CSMD2: variants seen among roughly 807,000 people sequenced by gnomAD.
CSMD2 encodes CUB and Sushi multiple domains 2.
CSMD2 carries 130 observed loss-of-function variants against 398.5 expected under a neutral mutation model. The observed-to-expected ratio is 0.33, with a 90% confidence interval of 0.28 to 0.38. The LOEUF is 0.38. Among genes scored for constraint, CSMD2 ranks in the 10% least tolerant of loss-of-function variants. CSMD2 has a pLI of 1.00. For synonymous variants in CSMD2, 1,828 were observed against 1,908.5 expected, an observed-to-expected ratio of 0.96 and a Z score of 1.10; for missense variants, 3,829 against 4,764.9, an observed-to-expected ratio of 0.80 and a Z score of 5.78.
chr1:33,768,727 C>T (rs1431879900), intron 13 of CSMD2, among the ~76,000 whole-genome samples: 1 of 152,104 alleles, frequency 6.6e-6, no homozygotes, highest in Non-Finnish European at 1.5e-5. Context: ...TCCAAAAGCC[C>T]AGCTCAAGTC....
intron 1 of CSMD2, among the ~76,000 whole-genome samples, chr1:34,146,788 G>C (rs1639804036): frequency 6.6e-6 from 1 of 152,128 alleles, no homozygotes; most frequent in Admixed American, 6.5e-5. Context: ...GTTTGGGAGA[G>C]TAAAGTTTCT....
At chr1:33,895,114 T>C (rs540404009) in intron 5 of CSMD2, among the ~76,000 whole-genome samples, 139 of 152,332 alleles carry the variant, frequency 9.1e-4, no homozygotes, top group African/African-American at 2.8e-3. Flanking sequence ...ACCTACATGT[T>C]GTATGTTAGA....
At chr1:34,049,294 G>C (rs529963898) in intron 2 of CSMD2, among the ~76,000 whole-genome samples, 1 of 152,308 alleles carries the variant, frequency 6.6e-6, no homozygotes, top group South Asian at 2.1e-4. Flanking sequence ...GTTTTTGCAG[G>C]TGGTTCAGGG....
chr1:33,914,215 C>T (rs1194576822), intron 5 of CSMD2, among the ~76,000 whole-genome samples: 1 of 152,118 alleles, frequency 6.6e-6, no homozygotes, highest in Non-Finnish European at 1.5e-5. Flanking sequence ...CCCCACACTC[C>T]AGCAGGGTCA....
At chr1:33,927,065 C>G (rs959270944) in intron 4 of CSMD2, among the ~76,000 whole-genome samples, 5 of 152,176 alleles carry the variant, frequency 3.3e-5, no homozygotes, top group Non-Finnish European at 7.3e-5. Context: ...AAGATGCCAA[C>G]AGGCCCCAAA....
intron 6 of CSMD2, among the ~76,000 whole-genome samples, chr1:33,830,556 G>C (rs1222447096): frequency 2.6e-5 from 4 of 152,088 alleles, no homozygotes; most frequent in East Asian, 1.9e-4. Context: ...CCACAAAGAT[G>C]GGGAAAAAAC....
chr1:33,978,653 G>T (rs1486726283), intron 3 of CSMD2, among the ~76,000 whole-genome samples: 1 of 152,106 alleles, frequency 6.6e-6, no homozygotes, highest in African/African-American at 2.4e-5. Context: ...AGATGCAAAG[G>T]CCAGGAGAGG....
chr1:33,634,904 C>T (rs1220392699), intron 31 of CSMD2, among the ~76,000 whole-genome samples: 1 of 152,138 alleles, frequency 6.6e-6, no homozygotes, highest in Non-Finnish European at 1.5e-5. Context: ...CGGCACCTCC[C>T]TTAGGACTTG....
At chr1:33,964,558 G>A (rs1645490234) in intron 3 of CSMD2, among the ~76,000 whole-genome samples, 1 of 152,208 alleles carries the variant, frequency 6.6e-6, no homozygotes, top group African/African-American at 2.4e-5. Flanking sequence ...CTTGTTTTGA[G>A]ATAATTTTAG....
chr1:33,833,933 C>T (rs1040891671), intron 6 of CSMD2, among the ~76,000 whole-genome samples: 1 of 150,400 alleles, frequency 6.6e-6, no homozygotes, highest in Non-Finnish European at 1.5e-5. Flanking sequence ...CCTAGGAATC[C>T]AACTTACAAG....
At chr1:34,027,920 A>AGCG (rs1553287384) in intron 3 of CSMD2, among the ~76,000 whole-genome samples, 1 of 152,096 alleles carries the variant, frequency 6.6e-6, no homozygotes, top group African/African-American at 2.4e-5. Context: ...CAGGAGGAGG[A>AGCG]GGAGGAGGTA....
chr1:34,087,674 C>G (rs755858510), intron 2 of CSMD2, among the ~76,000 whole-genome samples: 3 of 151,154 alleles, frequency 2.0e-5, no homozygotes, highest in Non-Finnish European at 4.4e-5. Context: ...GCACTCCTGC[C>G]ATCACTTTCT....
At chr1:33,998,773 A>G (rs936237944) in intron 3 of CSMD2, among the ~76,000 whole-genome samples, 3 of 152,346 alleles carry the variant, frequency 2.0e-5, no homozygotes, top group African/African-American at 7.2e-5. Flanking sequence ...AGAGGTCAAC[A>G]GAAGAGCATT....
intron 6 of CSMD2, among the ~76,000 whole-genome samples, chr1:33,831,423 T>C (rs1161412890): frequency 3.3e-5 from 5 of 151,988 alleles, no homozygotes; most frequent in African/African-American, 1.2e-4. Context: ...GCTTCATAAG[T>C]GAAGGAGAAA....
rs1309257433 is a variant in CSMD2 at position 33,557,897 on chromosome 1, G to T, written c.8580C>A (p.His2860Gln). Residue 2860 changes from histidine to glutamine, a missense_variant, in exon 55 of 71, where the codon CAC (histidine) becomes CAA (glutamine). Around this residue, in one of 5 missense-constraint regions of CSMD2, gnomAD observed 917 missense variants for 1,199.5 expected, o/e 0.76. Transcript: ENST00000373381. ...GGACCTGACGAACACTATTTTCTTG[G>T]TGTCCAGGATCTGTACAGTTGATGA... Reference protein sequence around the residue: ...CRIINCTDPGHQENSVRQVHA... With the variant: ...CRIINCTDPGQQENSVRQVHA... 1 of 1,536,206 alleles carries T rather than the reference G, an allele frequency of 6.5e-7. No homozygotes were observed. Among genetic ancestry groups the T allele is most frequent in the Non-Finnish European group, 8.7e-7 (1 of 1,146,922 alleles).
chr1:33,593,644 T>C (rs868551051), intron 44 of CSMD2, among the ~76,000 whole-genome samples: 1 of 152,226 alleles, frequency 6.6e-6, no homozygotes. Context: ...GGAGTTACAA[T>C]TCAAGATGAG....
At chr1:33,911,529 C>T (rs1003693039) in intron 5 of CSMD2, among the ~76,000 whole-genome samples, 3 of 152,002 alleles carry the variant, frequency 2.0e-5, no homozygotes, top group East Asian at 1.9e-4. Context: ...GTTTTTGTAT[C>T]GCCACCTACA....
intron 40 of CSMD2, among the ~76,000 whole-genome samples, chr1:33,612,979 G>T (rs1362845659): frequency 6.6e-6 from 1 of 152,204 alleles, no homozygotes; most frequent in Admixed American, 6.5e-5. Flanking sequence ...GGAGCCCTGC[G>T]GGCTGCAGGC....
chr1:33,672,466 A>C (rs949444853), intron 25 of CSMD2, among the ~76,000 whole-genome samples: 8 of 152,310 alleles, frequency 5.3e-5, no homozygotes, highest in African/African-American at 1.9e-4. Context: ...GCAGCTGGGA[A>C]GCTCGAACTG....
Sources: allele counts gnomAD v4.1 joint callset (sites outside exome capture counted in the v4.1 genomes callset), GRCh38; gene constraint gnomAD v4.1.1; regional missense constraint gnomAD v4.1.1; transcripts MANE v1.5; gene names NCBI Gene and HGNC (gene_info 2026-07-23, HGNC 2026-07-21).